KANSL1: variants seen among roughly 807,000 people sequenced by gnomAD.
KANSL1 encodes the protein MLL1/MLL complex subunit KANSL1.
A neutral mutation model predicts 103.6 loss-of-function variants in KANSL1; 22 were observed. The ratio of observed to expected loss-of-function variants is 0.21; its 90% CI spans 0.15 to 0.30. The LOEUF (loss-of-function observed/expected upper bound fraction) is 0.30, where lower values mean the gene tolerates loss of function less well. Ranked by LOEUF, KANSL1 falls within the 10% of genes least tolerant of loss-of-function variation. KANSL1 has a pLI of 1.00. For synonymous variants in KANSL1, 600 were observed against 527.6 expected, an observed-to-expected ratio of 1.14 and a Z score of -1.88; for missense variants, 1,337 against 1,399.8, an observed-to-expected ratio of 0.96 and a Z score of 0.72.
At position 46,115,421 on chromosome 17, in the gene KANSL1, G is replaced by C. The variant is rs73984691; in HGVS notation, c.1290-20720C>G. On this transcript the variant is annotated intron_variant, in intron 2 of 14. Coordinates refer to ENST00000432791, the MANE Select transcript of KANSL1 (RefSeq NM_015443.4). The stretch of plus-strand genomic sequence containing the variant: ...GCAGATTTTCTGTCTCCTTACTACA[G>C]ATGAGAAAATAGTATAAAGCTATCG... 5.6e-3 allele frequency among the ~76,000 whole-genome samples: 821 copies of C among 146,518 alleles called. 11 individuals carry two copies. The highest frequency in any genetic ancestry group is 0.02 in the African/African-American group (782 of 38,988).
intron 2 of KANSL1, among the ~76,000 whole-genome samples, chr17:46,144,299 C>T (rs775270812): frequency 6.6e-6 from 1 of 152,114 alleles, no homozygotes; most frequent in African/African-American, 2.4e-5. Flanking sequence ...GTTGAATGAA[C>T]GCTAATTTAA....
intron 1 of KANSL1, among the ~76,000 whole-genome samples, chr17:46,181,099 C>T (rs1366269817): frequency 4.6e-5 from 7 of 152,178 alleles, no homozygotes; most frequent in Non-Finnish European, 1.0e-4. Context: ...GTCAAAGTCT[C>T]TACCAAAGCT....
At chr17:46,103,308 C>T (rs1217947849) in intron 2 of KANSL1, among the ~76,000 whole-genome samples, 1 of 152,222 alleles carries the variant, frequency 6.6e-6, no homozygotes, top group Non-Finnish European at 1.5e-5. Flanking sequence ...TTTCAACTAT[C>T]AACTTTTGGC....
rs186977988 is a variant in KANSL1, at chr17:46,184,150, T to C, written c.-90+8673A>G. Among the ~76,000 whole-genome samples the C allele has an allele frequency of 9.8e-5, 15 of 152,294 alleles. No homozygotes were observed. In the East Asian group the frequency reaches 2.9e-3, roughly 29 times the overall value. ...ACAAGATAGTAAAATATAAATTAGG[T>C]GTGAAGGTAGCCTAGCTTGATAAAG... On this transcript the variant is annotated intron_variant, in intron 1 of 14. Transcript: ENST00000432791.
intron 2 of KANSL1, chr17:46,170,221 A>C (rs2046213551): frequency 6.6e-6 from 1 of 152,284 alleles, no homozygotes; most frequent in South Asian, 2.1e-4. Flanking sequence ...CAATACATTT[A>C]ACTCAGCTTA....
At chr17:46,165,768 C>T (rs1479886621) in intron 2 of KANSL1, among the ~76,000 whole-genome samples, 1 of 152,032 alleles carries the variant, frequency 6.6e-6, no homozygotes, top group East Asian at 1.9e-4. Context: ...ACCTTGGCCT[C>T]CCAAAGTGCT....
rs2047439079 is a variant in KANSL1, at chr17:46,193,138, G to C, written c.-405C>G. 8.9e-6 allele frequency: 1 copy of C among 112,666 alleles called. No individual in the cohort carries two copies. Among genetic ancestry groups the C allele is most frequent in the Admixed American group, 9.6e-5 (1 of 10,470 alleles). The allele number at this position is 112,666 out of a possible 1,614,324, so 7.0% of individuals were successfully genotyped here. On this transcript the variant is annotated 5_prime_UTR_variant, in exon 1 of 15. Transcript: ENST00000432791. ...GCTGGAGACCGCAGCCCGGCCGGGA[G>C]GGCGGGCGGGCGGGGGCAGAGAGTG...
intron 2 of KANSL1, among the ~76,000 whole-genome samples, chr17:46,111,300 T>C (rs2042792778): frequency 6.8e-6 from 1 of 147,540 alleles, no homozygotes; most frequent in South Asian, 2.1e-4. Flanking sequence ...AACCTCCGCC[T>C]CCCGGGCAAG....
intron 2 of KANSL1, among the ~76,000 whole-genome samples, chr17:46,161,353 G>A (rs528012515): frequency 7.3e-5 from 11 of 151,576 alleles, no homozygotes; most frequent in South Asian, 4.1e-4. Context: ...GGAGAATGGC[G>A]TGAACCTGGA....
At chr17:46,122,854 T>C (rs1463692729) in intron 2 of KANSL1, among the ~76,000 whole-genome samples, 2 of 152,200 alleles carry the variant, frequency 1.3e-5, no homozygotes, top group Non-Finnish European at 2.9e-5. Context: ...ACTTAACTGA[T>C]AAAAATGTGT....
rs35017603 is a variant in KANSL1, at chr17:46,130,187, C to CAAAAAAAAAAAAAAAA, written c.1290-35502_1290-35487dup. On this transcript the variant is annotated intron_variant, in intron 2 of 14. Coordinates refer to ENST00000432791, the MANE Select transcript of KANSL1 (RefSeq NM_015443.4). ...GGGCAAAAGAATGAGATCCTGTCTC[C>CAAAAAAAAAAAAAAAA]AAAAAAAAAAAAAAAAAAAAAGGAA... is the stretch of plus-strand genomic sequence containing the variant. 6.7e-3 allele frequency among the ~76,000 whole-genome samples: 508 copies of CAAAAAAAAAAAAAAAA among 75,318 alleles called. 18 individuals are homozygous for CAAAAAAAAAAAAAAAA. The highest frequency in any genetic ancestry group is 0.01 in the Non-Finnish European group (373 of 36,860). The allele number at this position is 75,318 out of a possible 152,430, so 49.4% of individuals were successfully genotyped here.
intron 2 of KANSL1, among the ~76,000 whole-genome samples, chr17:46,140,034 A>C (rs1321389564): frequency 2.0e-5 from 3 of 152,240 alleles, no homozygotes; most frequent in African/African-American, 4.8e-5. Context: ...AGTATTAAAA[A>C]ATAAATGAAA....
At chr17:46,126,489 C>CTCAA (rs140412994) in intron 2 of KANSL1, among the ~76,000 whole-genome samples, 21,570 of 151,782 alleles carry the variant, frequency 0.14, 2,093 homozygotes, top group Non-Finnish European at 0.22. Flanking sequence ...CACTGCTTTT[C>CTCAA]TCAATCTTTA....
At chr17:46,043,893 A>C (rs927532226) in intron 7 of KANSL1, 1 of 152,046 alleles carries the variant, frequency 6.6e-6, no homozygotes, top group Admixed American at 6.6e-5. Context: ...AGTTTAAGGA[A>C]CTCCAGCTGC....
At chr17:46,188,605 C>T (rs953286197) in intron 1 of KANSL1, among the ~76,000 whole-genome samples, 16 of 152,180 alleles carry the variant, frequency 1.1e-4, no homozygotes, top group Admixed American at 2.0e-4. Context: ...GTACTCCTTT[C>T]TTAAGGTAAG....
intron 1 of KANSL1, among the ~76,000 whole-genome samples, chr17:46,200,578 TA>T (rs1403119490): frequency 1.1e-4 from 16 of 151,984 alleles, no homozygotes; most frequent in Admixed American, 9.8e-4. Context: ...CCGTCTCTAC[TA>T]AAAATACAAA....
intron 1 of KANSL1, among the ~76,000 whole-genome samples, chr17:46,190,878 G>C (rs529012580): frequency 6.6e-6 from 1 of 152,154 alleles, no homozygotes; most frequent in African/African-American, 2.4e-5. Flanking sequence ...CAAGGGATGA[G>C]CATTTTTACC....
rs920971998 is a variant in KANSL1, at chr17:46,161,367, T to C, written c.1289+9488A>G. ...AGGAGAATGGCGTGAACCTGGAAGT[T>C]GGAGCTTGCAGTGAGCCCAGGTCAT... On this transcript the variant is annotated intron_variant, in intron 2 of 14. Transcript: ENST00000432791. Among the ~76,000 whole-genome samples, 3 of 151,558 alleles carry C rather than the reference T, an allele frequency of 2.0e-5. No homozygotes were observed. The South Asian group carries it at 6.2e-4, about 31-fold the overall frequency.
In KANSL1 at chr17:46,039,226, G is replaced by T. The variant is rs373489007; in HGVS notation, c.2204-11C>A. On this transcript the variant is annotated splice_polypyrimidine_tract_variant and intron_variant, in intron 8 of 14. Coordinates refer to ENST00000432791, the MANE Select transcript of KANSL1 (RefSeq NM_015443.4). ...GGTGATGGGACAGCTCTGAAGAGGG[G>T]AACAGAAAAAGAGCTGTGAAATATG... 1.7e-5 allele frequency: 26 copies of T among 1,548,352 alleles called. No individual in the cohort carries two copies. Among genetic ancestry groups the T allele is most frequent in the African/African-American group, 4.2e-5 (3 of 71,446 alleles).
Sources: allele counts gnomAD v4.1 joint callset (sites outside exome capture counted in the v4.1 genomes callset), GRCh38; gene constraint gnomAD v4.1.1; transcripts MANE v1.5; gene names NCBI Gene and HGNC (gene_info 2026-07-23, HGNC 2026-07-21).